The following USP13 variants were observed in gnomAD, a reference collection of about 807,000 sequenced individuals.
USP13 encodes the protein ubiquitin specific peptidase 13.
USP13 carries 68 observed loss-of-function variants against 107.8 expected under a neutral mutation model. The observed-to-expected ratio is 0.63, with a 90% CI of 0.52 to 0.77. The LOEUF is 0.77. Among genes scored for constraint, USP13 ranks in the 30% least tolerant of loss-of-function variants. USP13 has a pLI of 0.00. For synonymous variants in USP13, 377 were observed against 389.5 expected, an observed-to-expected ratio of 0.97 and a Z score of 0.38; for missense variants, 945 against 1,093.3, an observed-to-expected ratio of 0.86 and a Z score of 1.91.
intron 6 of USP13, among the ~76,000 whole-genome samples, chr3:179,709,358 A>G (rs1449559956): frequency 6.6e-6 from 1 of 152,242 alleles, no homozygotes; most frequent in Non-Finnish European, 1.5e-5. Flanking sequence ...AGCAGGAGGA[A>G]GCCCTGGAAT....
chr3:179,702,930 A>T (rs546861327), intron 4 of USP13, among the ~76,000 whole-genome samples: 1 of 152,332 alleles, frequency 6.6e-6, no homozygotes, highest in Non-Finnish European at 1.5e-5. Flanking sequence ...TTGTGAATAA[A>T]TGTTATGATA....
intron 2 of USP13, 56 bp from the exon 3 acceptor site, chr3:179,690,185 C>T: frequency 1.3e-6 from 2 of 1,539,074 alleles, no homozygotes; most frequent in East Asian, 4.5e-5. Context: ...GCTTTTCCCT[C>T]ACAAAGATGT....
chr3:179,709,488 C>T (rs891665390), intron 6 of USP13, among the ~76,000 whole-genome samples: 1 of 152,216 alleles, frequency 6.6e-6, no homozygotes, highest in Non-Finnish European at 1.5e-5. Flanking sequence ...ATGGTGTTCA[C>T]ATTCTCCGGG....
At position 179,730,275 on chromosome 3, in the gene USP13, T is replaced by G. The variant is rs367689941; in HGVS notation, c.1160+15T>G. 1.4e-5 allele frequency: 21 copies of G among 1,474,184 alleles called. No homozygotes were observed. The highest frequency in any genetic ancestry group is 1.6e-5 in the Non-Finnish European group (18 of 1,120,390). The allele number at this position is 1,474,184 out of a possible 1,614,324, so 91.3% of individuals were successfully genotyped here. A position where few individuals can be genotyped will look rare whatever the true frequency, so the allele number is the denominator to read the frequency against. On this transcript the variant is annotated intron_variant, in intron 9 of 20. Coordinates refer to ENST00000263966, the MANE Select transcript of USP13 (RefSeq NM_003940.3). ...AACACACAGATGTAAGTGCCAGATTTGTATTTTTTTTTTTCTAGAAAAAGC... is the reference window on the plus strand; with the variant it reads ...AACACACAGATGTAAGTGCCAGATTGGTATTTTTTTTTTTCTAGAAAAAGC...
intron 1 of USP13, among the ~76,000 whole-genome samples, chr3:179,660,360 A>G (rs1373268542): frequency 2.0e-5 from 3 of 152,342 alleles, no homozygotes; most frequent in Non-Finnish European, 2.9e-5. Context: ...GGCACTTTAT[A>G]TAAGTGGAAT....
At chr3:179,728,336 C>G (rs1440472372) in intron 8 of USP13, among the ~76,000 whole-genome samples, 100 of 149,322 alleles carry the variant, frequency 6.7e-4, no homozygotes, top group African/African-American at 2.3e-3. Flanking sequence ...CTCCTCACAT[C>G]CCGGACGGGG....
intron 4 of USP13, among the ~76,000 whole-genome samples, chr3:179,704,911 T>C (rs920262733): frequency 1.3e-5 from 2 of 152,102 alleles, no homozygotes; most frequent in African/African-American, 4.8e-5. Flanking sequence ...TTGGAGAGTT[T>C]TAAGCTGGAG....
intron 2 of USP13, among the ~76,000 whole-genome samples, chr3:179,682,307 C>T (rs1561843): frequency 0.63 from 94,258 of 149,642 alleles, 30,984 homozygotes; most frequent in Admixed American, 0.74. Context: ...CCCATGGATC[C>T]AAAAATCATA....
At chr3:179,779,029 G>A (rs1262870805) in intron 19 of USP13, among the ~76,000 whole-genome samples, 1 of 152,108 alleles carries the variant, frequency 6.6e-6, no homozygotes, top group Non-Finnish European at 1.5e-5. Context: ...AGGCTTGAAG[G>A]TATAACAGCT....
intron 6 of USP13, among the ~76,000 whole-genome samples, chr3:179,717,548 A>G (rs1483088938): frequency 6.6e-6 from 1 of 152,204 alleles, no homozygotes; most frequent in Admixed American, 6.5e-5. Context: ...CAGTGGTTCA[A>G]TTCTGGCAGT....
intron 8 of USP13, 128 bp from the exon 9 acceptor site, chr3:179,730,061 C>A: frequency 1.2e-6 from 1 of 815,278 alleles, no homozygotes; most frequent in Non-Finnish European, 2.0e-6. Flanking sequence ...TCATGAAAAA[C>A]TTTTCTTCAG....
intron 2 of USP13, 141 bp downstream of exon 2, chr3:179,682,144 T>C: frequency 1.8e-6 from 2 of 1,097,270 alleles, no homozygotes; most frequent in Non-Finnish European, 2.5e-6. Context: ...CAGCACTGCT[T>C]GCAAAATCCA....
chr3:179,705,594 T>C (rs989293018), intron 4 of USP13, among the ~76,000 whole-genome samples: 1 of 152,254 alleles, frequency 6.6e-6, no homozygotes, highest in Non-Finnish European at 1.5e-5. Flanking sequence ...TGTTGTAGCA[T>C]GTATCAATAT....
At chr3:179,701,957 G>T (rs947243627) in intron 4 of USP13, among the ~76,000 whole-genome samples, 11 of 152,178 alleles carry the variant, frequency 7.2e-5, no homozygotes, top group African/African-American at 2.6e-4. Flanking sequence ...CTCATTTCTT[G>T]TATTGCCTGT....
intron 3 of USP13, among the ~76,000 whole-genome samples, chr3:179,691,800 G>A (rs1712126731): frequency 6.6e-6 from 1 of 152,108 alleles, no homozygotes; most frequent in Non-Finnish European, 1.5e-5. Flanking sequence ...TATTGGAAGG[G>A]CCAGTTTTGT....
chr3:179,756,035 G>A (rs1478528425), intron 15 of USP13, among the ~76,000 whole-genome samples: 2 of 152,214 alleles, frequency 1.3e-5, no homozygotes, highest in Middle Eastern at 3.2e-3. Flanking sequence ...ATCAGCATGG[G>A]CATCAGATAA....
At chr3:179,705,953 C>G (rs1712698032) in intron 4 of USP13, among the ~76,000 whole-genome samples, 1 of 152,144 alleles carries the variant, frequency 6.6e-6, no homozygotes, top group Non-Finnish European at 1.5e-5. Flanking sequence ...GAACTCCTGA[C>G]CTCAAGTGAT....
In USP13 at chr3:179,742,184, A is replaced by G. The variant is rs985828766; in HGVS notation, c.1381-13A>G. 5.0e-6 allele frequency: 8 copies of G among 1,614,026 alleles called. No homozygotes were observed. The highest frequency in any genetic ancestry group is 6.8e-6 in the Non-Finnish European group (8 of 1,180,014). ...TTCATACATTTACTAACCTGATACA[A>G]TCCATCCTTCAGAGGAACCGCATCG... On this transcript the variant is annotated splice_polypyrimidine_tract_variant and intron_variant, in intron 11 of 20. Transcript: ENST00000263966. The surrounding 1 kb of genome is among the most constrained non-coding windows in gnomAD (Gnocchi z 5.0).
intron 13 of USP13, among the ~76,000 whole-genome samples, chr3:179,750,314 ATATATATGTGTG>A (rs1450451530): frequency 0.032 from 1,529 of 47,814 alleles, 29 homozygotes; most frequent in African/African-American, 0.092. Flanking sequence ...GTATATATAT[ATATATATGTGTG>A]TATATATATA....
Sources: allele counts gnomAD v4.1 joint callset (sites outside exome capture counted in the v4.1 genomes callset), GRCh38; gene constraint gnomAD v4.1.1; non-coding constraint Gnocchi (gnomAD v3.1); transcripts MANE v1.5; gene names NCBI Gene and HGNC (gene_info 2026-07-23, HGNC 2026-07-21).